Variants in PCDH7 observed in about 807,000 individuals in gnomAD.
PCDH7 encodes the protein protocadherin 7.
PCDH7 carries 17 observed loss-of-function variants against 58.9 expected under a neutral mutation model. The observed-to-expected ratio is 0.29, with a 90% confidence interval of 0.20 to 0.43. The LOEUF (loss-of-function observed/expected upper bound fraction) is 0.43. Among genes scored for constraint, PCDH7 ranks in the 20% least tolerant of loss-of-function variants. The pLI, the probability that PCDH7 is intolerant of heterozygous loss-of-function variation, is 1.00. For synonymous variants in PCDH7, 664 were observed against 616.4 expected, an observed-to-expected ratio of 1.08 and a Z score of -1.14; for missense variants, 1,274 against 1,441.0, an observed-to-expected ratio of 0.88 and a Z score of 1.88.
rs531701835 is a variant in PCDH7, at chr4:30,800,672, C to G, written c.70+76076C>G. Among the ~76,000 whole-genome samples the G allele has an allele frequency of 2.0e-5, 3 of 152,184 alleles. No homozygotes were observed. In the South Asian group the frequency reaches 6.2e-4, roughly 32 times the overall value. On this transcript the variant is annotated intron_variant, in intron 1 of 3. Transcript: ENST00000509759. ...AACCTTGTAATAAATTAAGTTTCCTCAAACTAGGACAGAAGAAAAAAGCAT... is the reference window on the plus strand; with the variant it reads ...AACCTTGTAATAAATTAAGTTTCCTGAAACTAGGACAGAAGAAAAAAGCAT...
intron 3 of PCDH7, among the ~76,000 whole-genome samples, chr4:31,115,131 A>G (rs1338609435): frequency 6.6e-6 from 1 of 152,238 alleles, no homozygotes; most frequent in Non-Finnish European, 1.5e-5. Flanking sequence ...AAGGAAAAAC[A>G]TAGACAGTAT....
At chr4:30,791,365 A>G (rs1393252153) in intron 1 of PCDH7, among the ~76,000 whole-genome samples, 1 of 152,178 alleles carries the variant, frequency 6.6e-6, no homozygotes, top group Non-Finnish European at 1.5e-5. Context: ...GTTATTAACA[A>G]TATTTACTAT....
chr4:30,746,119 G>A (rs991649605), intron 1 of PCDH7, among the ~76,000 whole-genome samples: 1 of 152,138 alleles, frequency 6.6e-6, no homozygotes, highest in Non-Finnish European at 1.5e-5. Flanking sequence ...GTGATCCACT[G>A]TGCCTGGCTA....
chr4:30,768,567 T>C lies in PCDH7; in HGVS notation c.70+43971T>C, dbSNP rs77273547. Among the ~76,000 whole-genome samples the C allele has an allele frequency of 5.4e-3, 819 of 152,320 alleles. 7 individuals are homozygous for C. Among genetic ancestry groups the C allele is most frequent in the African/African-American group, 0.019 (770 of 41,568 alleles). On this transcript the variant is annotated intron_variant, in intron 1 of 3. Coordinates refer to the PCDH7 transcript ENST00000509759. ...TCCTGCTAAAGCAGGAAATTGGACT[T>C]AATAAATATTGTAACTTAGTGAAAG...
intron 3 of PCDH7, among the ~76,000 whole-genome samples, chr4:31,062,918 G>A (rs1393093997): frequency 6.6e-6 from 1 of 151,708 alleles, no homozygotes; most frequent in East Asian, 1.9e-4. Context: ...AAATTTTGAG[G>A]CTGTGTATAA....
chr4:31,137,098 CTTTTGTA>C (rs1409785696), intron 3 of PCDH7, among the ~76,000 whole-genome samples: 6 of 151,992 alleles, frequency 3.9e-5, no homozygotes, highest in African/African-American at 1.5e-4. Context: ...CTTGTTTACC[CTTTTGTA>C]AAACCTTTTG....
chr4:31,095,590 A>G (rs767572107), intron 3 of PCDH7, among the ~76,000 whole-genome samples: 13 of 152,162 alleles, frequency 8.5e-5, no homozygotes, highest in Non-Finnish European at 1.3e-4. Context: ...CAGTATAGAT[A>G]TTTATTCAAA....
At chr4:30,854,015 A>G (rs1733125277) in intron 1 of PCDH7, among the ~76,000 whole-genome samples, 1 of 152,068 alleles carries the variant, frequency 6.6e-6, no homozygotes, top group African/African-American at 2.4e-5. Flanking sequence ...TTCTACGCAG[A>G]ATCGGAAACA....
At chr4:31,094,756 T>C (rs1713728507) in intron 3 of PCDH7, among the ~76,000 whole-genome samples, 1 of 151,908 alleles carries the variant, frequency 6.6e-6, no homozygotes, top group African/African-American at 2.4e-5. Context: ...TGAAGTCTGC[T>C]CTTCTGATAC....
chr4:30,908,638 A>G lies in PCDH7; in HGVS notation c.71-11515A>G, dbSNP rs542732215. ...AACAAGTTCTGAAATTGAGGCAGTAATTAATTGCCTACCAACCAAAAAAAT... is the reference window on the plus strand; with the variant it reads ...AACAAGTTCTGAAATTGAGGCAGTAGTTAATTGCCTACCAACCAAAAAAAT... On this transcript the variant is annotated intron_variant, in intron 1 of 3. Transcript: ENST00000509759. Among the ~76,000 whole-genome samples the G allele has an allele frequency of 2.3e-3, 351 of 152,318 alleles. 2 individuals carry two copies. Among genetic ancestry groups the G allele is most frequent in the African/African-American group, 8.1e-3 (337 of 41,580 alleles).
At chr4:30,782,672 CAT>C (rs1722949110) in intron 1 of PCDH7, among the ~76,000 whole-genome samples, 2 of 152,190 alleles carry the variant, frequency 1.3e-5, no homozygotes, top group South Asian at 4.1e-4. Context: ...AATAAGTAAA[CAT>C]ATGTTTTTAT....
At chr4:30,824,817 C>G (rs909401169) in intron 1 of PCDH7, among the ~76,000 whole-genome samples, 1 of 152,062 alleles carries the variant, frequency 6.6e-6, no homozygotes, top group Admixed American at 6.6e-5. Context: ...GAAATAGAAG[C>G]TATCAACAGC....
At chr4:30,911,490 C>T (rs879166277) in intron 1 of PCDH7, among the ~76,000 whole-genome samples, 3 of 152,010 alleles carry the variant, frequency 2.0e-5, no homozygotes, top group South Asian at 2.1e-4. Flanking sequence ...AAAAAGTTTG[C>T]CAGACCCTTG....
chr4:31,038,098 A>G (rs1204446157), intron 3 of PCDH7, among the ~76,000 whole-genome samples: 2 of 152,248 alleles, frequency 1.3e-5, no homozygotes, highest in African/African-American at 4.8e-5. Flanking sequence ...GCTAAGGCAG[A>G]GATCTTGTTG....
At chr4:30,830,120 G>A (rs1049407602) in intron 1 of PCDH7, among the ~76,000 whole-genome samples, 3 of 151,768 alleles carry the variant, frequency 2.0e-5, no homozygotes, top group South Asian at 4.2e-4. Flanking sequence ...AATGCACTAC[G>A]TGTCAAATCT....
chr4:30,935,866 A>C (rs535014554), intron 2 of PCDH7, among the ~76,000 whole-genome samples: 1 of 152,224 alleles, frequency 6.6e-6, no homozygotes, highest in African/African-American at 2.4e-5. Context: ...TATTTGAGAT[A>C]ATTTTCTGAG....
intron 2 of PCDH7, among the ~76,000 whole-genome samples, chr4:30,933,478 G>A (rs1025037590): frequency 3.9e-5 from 6 of 152,018 alleles, no homozygotes; most frequent in East Asian, 1.9e-4. Context: ...TCTAACTTAC[G>A]CTTGTTGTTA....
intron 3 of PCDH7, among the ~76,000 whole-genome samples, chr4:31,133,514 T>C (rs913898488): frequency 5.9e-5 from 9 of 152,314 alleles, no homozygotes; most frequent in Admixed American, 4.6e-4. Flanking sequence ...CCCCTGTCTG[T>C]TCCTGGGTTT....
At chr4:30,932,315 G>T (rs921767099) in intron 2 of PCDH7, among the ~76,000 whole-genome samples, 2 of 152,166 alleles carry the variant, frequency 1.3e-5, no homozygotes, top group African/African-American at 4.8e-5. Context: ...TCCAAGGAAA[G>T]AAATGCTTCC....
Sources: gnomAD v4.1 joint callset for allele counts (sites outside exome capture counted in the v4.1 genomes callset) on GRCh38, gnomAD v4.1.1 for gene constraint, MANE v1.5 for transcripts, NCBI Gene and HGNC (gene_info 2026-07-23, HGNC 2026-07-21) for gene names.